The following AGBL4 variants were observed in gnomAD, a reference collection of about 807,000 sequenced individuals.
The protein encoded by AGBL4 is cytosolic carboxypeptidase 6.
A neutral mutation model predicts 66.4 loss-of-function variants in AGBL4; 58 were observed. The ratio of observed to expected loss-of-function variants is 0.87; its 90% CI spans 0.71 to 1.09. The LOEUF is 1.09. Ranked by LOEUF, AGBL4 falls within the 50% of genes least tolerant of loss-of-function variation. The probability of loss-of-function intolerance (pLI) is 0.00; values close to 1 mark genes in which losing one functional copy is unlikely to be tolerated. For missense variants in AGBL4, 579 were observed against 631.0 expected, an observed-to-expected ratio of 0.92 and a Z score of 0.88; for synonymous variants, 234 against 222.9, an observed-to-expected ratio of 1.05 and a Z score of -0.44.
intron 4 of AGBL4, among the ~76,000 whole-genome samples, chr1:49,144,230 A>G (rs577880975): frequency 6.6e-6 from 1 of 152,182 alleles, no homozygotes; most frequent in African/African-American, 2.4e-5. Flanking sequence ...GATGATGGCT[A>G]TCAGTGGTCG....
chr1:49,200,897 T>A (rs918677828), intron 4 of AGBL4, among the ~76,000 whole-genome samples: 5 of 152,006 alleles, frequency 3.3e-5, no homozygotes, highest in African/African-American at 1.2e-4. Context: ...GGTTGGGGGG[T>A]GGGGTTAAAA....
intron 4 of AGBL4, among the ~76,000 whole-genome samples, chr1:49,107,692 T>TGAGAGAGAGAGA (rs1479107593): frequency 7.6e-5 from 9 of 117,828 alleles, no homozygotes; most frequent in African/African-American, 2.7e-4. Context: ...TGTGTGTGTG[T>TGAGAGAGAGAGA]GTGAGAGAGA....
At chr1:49,439,001 A>G (rs1168076816) in intron 3 of AGBL4, among the ~76,000 whole-genome samples, 2 of 152,268 alleles carry the variant, frequency 1.3e-5, no homozygotes. Context: ...TGGCCTAATC[A>G]TTTCTTAAAG....
chr1:48,765,735 T>C (rs890648883), intron 6 of AGBL4, among the ~76,000 whole-genome samples: 1 of 152,180 alleles, frequency 6.6e-6, no homozygotes, highest in Admixed American at 6.5e-5. Context: ...TATTCAACCA[T>C]AAAAAGAAAT....
At chr1:49,662,324 A>G (rs987732318) in intron 3 of AGBL4, among the ~76,000 whole-genome samples, 2 of 151,942 alleles carry the variant, frequency 1.3e-5, no homozygotes, top group African/African-American at 4.8e-5. Context: ...AAATATTTGG[A>G]TTTAAAACAT....
intron 3 of AGBL4, among the ~76,000 whole-genome samples, chr1:49,251,085 C>A (rs1204891464): frequency 1.6e-4 from 24 of 152,136 alleles, no homozygotes. Context: ...GTCTGCTGGC[C>A]ATTCCTGGGT....
intron 5 of AGBL4, among the ~76,000 whole-genome samples, chr1:48,877,082 T>C (rs1485258550): frequency 2.0e-5 from 3 of 152,192 alleles, no homozygotes; most frequent in Non-Finnish European, 4.4e-5. Flanking sequence ...GAAAGGGATC[T>C]GCTCAAAATC....
At chr1:48,905,533 C>A (rs1652504882) in intron 5 of AGBL4, among the ~76,000 whole-genome samples, 1 of 152,174 alleles carries the variant, frequency 6.6e-6, no homozygotes, top group African/African-American at 2.4e-5. Flanking sequence ...AGAAGTTTAA[C>A]AGCTCTCATT....
chr1:49,693,798 AT>A (rs1646932957), intron 3 of AGBL4, among the ~76,000 whole-genome samples: 1 of 152,140 alleles, frequency 6.6e-6, no homozygotes, highest in African/African-American at 2.4e-5. Context: ...CTTTTAGCAT[AT>A]TTAAATAAGA....
chr1:48,544,303 G>A (rs948026475), intron 11 of AGBL4, among the ~76,000 whole-genome samples: 5 of 152,330 alleles, frequency 3.3e-5, no homozygotes, highest in South Asian at 2.1e-4. Flanking sequence ...TGGTGGTTGT[G>A]TGCGCCAGCA....
At position 48,709,134 on chromosome 1, in the gene AGBL4, C is replaced by T. The variant is rs376552178; in HGVS notation, c.635-45893G>A. Among the ~76,000 whole-genome samples the T allele has an allele frequency of 6.6e-5, 10 of 152,330 alleles. No homozygotes were observed. The South Asian group carries it at 1.2e-3, about 19-fold the overall frequency. ...AGGTTCCCCTCCACAGTGATAGCTA[C>T]TATGCTATCAGTGACTCTCTGGAGT... On this transcript the variant is annotated intron_variant, in intron 6 of 13. Transcript: ENST00000371839.
At position 49,019,297 on chromosome 1, in the gene AGBL4, A is replaced by G. The variant is rs890512613; in HGVS notation, c.594+26287T>C. On this transcript the variant is annotated intron_variant, in intron 5 of 13. Transcript: ENST00000371839. ...CAGGATAGCATGTACCTTGGGGACA[A>G]TAACACCTCCCTGCTCCTCTCATCC... 6.6e-5 allele frequency among the ~76,000 whole-genome samples: 10 copies of G among 152,254 alleles called. No individual in the cohort carries two copies. In the East Asian group the frequency reaches 1.9e-3, roughly 29 times the overall value.
intron 1 of AGBL4, among the ~76,000 whole-genome samples, chr1:49,987,999 T>C (rs901479746): frequency 6.6e-6 from 1 of 151,668 alleles, no homozygotes; most frequent in African/African-American, 2.4e-5. Context: ...ATCTTTGCTA[T>C]ACCTAGCCTA....
At chr1:49,204,765 A>T (rs1570056499) in intron 4 of AGBL4, among the ~76,000 whole-genome samples, 1 of 152,144 alleles carries the variant, frequency 6.6e-6, no homozygotes, top group Non-Finnish European at 1.5e-5. Context: ...TCAGAATATG[A>T]TTCCAGGTCC....
At chr1:49,866,013 C>A in intron 1 of AGBL4, 2 of 295,258 alleles carry the variant, frequency 6.8e-6, no homozygotes, top group Non-Finnish European at 7.0e-6. Context: ...AATTTCAGAG[C>A]TTCAAGACTA....
chr1:49,688,017 C>A (rs983164830), intron 3 of AGBL4, among the ~76,000 whole-genome samples: 2 of 152,074 alleles, frequency 1.3e-5, no homozygotes, highest in East Asian at 3.9e-4. Flanking sequence ...ATAATCACAT[C>A]AGGGCAAATG....
chr1:48,717,652 G>A (rs969096662), intron 6 of AGBL4, among the ~76,000 whole-genome samples: 3 of 152,148 alleles, frequency 2.0e-5, no homozygotes, highest in African/African-American at 7.2e-5. Flanking sequence ...TCTTGAAATG[G>A]CTAGAATCCA....
At chr1:49,142,011 G>A (rs11806967) in intron 4 of AGBL4, among the ~76,000 whole-genome samples, 15,984 of 152,064 alleles carry the variant, frequency 0.11, 1,410 homozygotes, top group African/African-American at 0.23. Flanking sequence ...GGGGGTGGGA[G>A]TGAGCATGAC....
At chr1:49,953,901 T>C (rs1656369603) in intron 1 of AGBL4, among the ~76,000 whole-genome samples, 1 of 151,934 alleles carries the variant, frequency 6.6e-6, no homozygotes, top group Admixed American at 6.6e-5. Flanking sequence ...TTTATTTATT[T>C]ACTTACTTAG....
Sources: gnomAD v4.1 joint callset for allele counts (sites outside exome capture counted in the v4.1 genomes callset) on GRCh38, gnomAD v4.1.1 for gene constraint, MANE v1.5 for transcripts, NCBI Gene and HGNC (gene_info 2026-07-23, HGNC 2026-07-21) for gene names.